The following IRAK3 variants were observed in gnomAD, a reference collection of about 807,000 sequenced individuals.
The protein encoded by IRAK3 is interleukin 1 receptor associated kinase 3, also known as interleukin-1 receptor-associated kinase 3.
Under a neutral mutation model 56.6 loss-of-function variants are expected in IRAK3, and 57 were observed. The observed-to-expected ratio is 1.01, with a 90% CI of 0.81 to 1.26. IRAK3 has a LOEUF of 1.26. Among genes scored for constraint, IRAK3 ranks in the 50% most tolerant of loss-of-function variants. IRAK3 has a pLI of 0.00. For synonymous variants in IRAK3, 258 were observed against 255.7 expected, an observed-to-expected ratio of 1.01 and a Z score of -0.09; for missense variants, 703 against 719.0, an observed-to-expected ratio of 0.98 and a Z score of 0.25.
rs1241746297 is a variant in IRAK3 at position 66,251,818 on chromosome 12, GAC to G, written c.*3651_*3652del. ...CATTAGCTACTAAGGTACAAAGTAA[GAC>G]ACAGTTTAATAAGGAAGACAGGGCA... On this transcript the variant is annotated 3_prime_UTR_variant, in exon 12 of 12. Coordinates refer to ENST00000261233, the MANE Select transcript of IRAK3 (RefSeq NM_007199.3). 2 of 152,188 alleles carry G rather than the reference GAC, an allele frequency of 1.3e-5. No homozygotes were observed. Among genetic ancestry groups the G allele is most frequent in the African/African-American group, 4.8e-5 (2 of 41,454 alleles). 9.4% of individuals were successfully genotyped at this position (152,188 alleles called of 1,614,324 possible).
At chr12:66,235,460 C>G (rs2052896840) in intron 8 of IRAK3, among the ~76,000 whole-genome samples, 1 of 151,538 alleles carries the variant, frequency 6.6e-6, no homozygotes, top group Non-Finnish European at 1.5e-5. Flanking sequence ...TCCGCGCTGA[C>G]TTCCCCTCCG....
chr12:66,217,850 A>C (rs562804624), intron 6 of IRAK3, among the ~76,000 whole-genome samples: 55 of 152,280 alleles, frequency 3.6e-4, no homozygotes, highest in African/African-American at 1.3e-3. Context: ...GTCGGGAAGC[A>C]GGGAGGAAGC....
At chr12:66,196,856 A>T in intron 1 of IRAK3, 1 of 1,471,736 alleles carries the variant, frequency 6.8e-7, no homozygotes, top group Non-Finnish European at 8.9e-7. Context: ...AAAGAAAGAG[A>T]CATCTTTCCT....
chr12:66,229,258 C>T (rs968214127), intron 8 of IRAK3, among the ~76,000 whole-genome samples: 1 of 152,174 alleles, frequency 6.6e-6, no homozygotes, highest in Non-Finnish European at 1.5e-5. Context: ...AAATTAGAAG[C>T]AACATCTCCC....
chr12:66,232,706 G>A (rs1298284036), intron 8 of IRAK3, among the ~76,000 whole-genome samples: 1 of 152,166 alleles, frequency 6.6e-6, no homozygotes, highest in Non-Finnish European at 1.5e-5. Flanking sequence ...GGACTGAGCT[G>A]TCCAAATCCC....
At chr12:66,202,010 TCA>T (rs1378590996) in intron 1 of IRAK3, among the ~76,000 whole-genome samples, 5 of 152,218 alleles carry the variant, frequency 3.3e-5, no homozygotes, top group Non-Finnish European at 5.9e-5. Context: ...AATGTGTGTC[TCA>T]CAGGGGTATG....
intron 1 of IRAK3, among the ~76,000 whole-genome samples, chr12:66,202,927 T>C (rs1029156002): frequency 6.6e-6 from 1 of 151,822 alleles, no homozygotes; most frequent in Non-Finnish European, 1.5e-5. Context: ...TTTTAACCTG[T>C]ATGGTAAAAT....
intron 8 of IRAK3, among the ~76,000 whole-genome samples, chr12:66,239,997 C>T (rs1004416544): frequency 1.3e-5 from 2 of 152,130 alleles, no homozygotes; most frequent in African/African-American, 4.8e-5. Context: ...CCTCAGATTT[C>T]CAGGGACATC....
At position 66,251,666 on chromosome 12, in the gene IRAK3, T is replaced by C. The variant is rs1001419836; in HGVS notation, c.*3495T>C. 3 of 152,220 alleles carry C rather than the reference T, an allele frequency of 2.0e-5. No homozygotes were observed. The highest frequency in any genetic ancestry group is 4.4e-5 in the Non-Finnish European group (3 of 68,042). The allele number at this position is 152,220 out of a possible 1,614,324, so 9.4% of individuals were successfully genotyped here. A position where few individuals can be genotyped will look rare whatever the true frequency, so the allele number is the denominator to read the frequency against. On this transcript the variant is annotated 3_prime_UTR_variant, in exon 12 of 12. Transcript: ENST00000261233. ...TGATCTGTGACTCACTGCATAATAT[T>C]GTAGTTTTATAGGGTGGCACATCAC...
chr12:66,230,424 C>T (rs1289499893), intron 8 of IRAK3, among the ~76,000 whole-genome samples: 1 of 152,116 alleles, frequency 6.6e-6, no homozygotes, highest in Non-Finnish European at 1.5e-5. Context: ...CAGTCCATGC[C>T]ATGGGGAAGC....
chr12:66,252,090 A>G lies in IRAK3; in HGVS notation c.*3919A>G, dbSNP rs2053105551. 1 of 152,230 alleles carries G rather than the reference A, an allele frequency of 6.6e-6. No individual in the cohort carries two copies. The highest frequency in any genetic ancestry group is 2.4e-5 in the African/African-American group (1 of 41,458). 9.4% of individuals were successfully genotyped at this position (152,230 alleles called of 1,614,324 possible). A position where few individuals can be genotyped will look rare whatever the true frequency, so the allele number is the denominator to read the frequency against. ...GGATCCACAGCAGCTGTGCACAACC[A>G]TCCCTAATGCCAGAAAAATGGGGTA... On this transcript the variant is annotated 3_prime_UTR_variant, in exon 12 of 12. Transcript: ENST00000261233.
In IRAK3 at chr12:66,231,480, G is replaced by A. The variant is rs150952897; in HGVS notation, c.887+3110G>A. Among the ~76,000 whole-genome samples the A allele has an allele frequency of 2.6e-3, 398 of 152,344 alleles. 4 individuals carry two copies. Among genetic ancestry groups the A allele is most frequent in the African/African-American group, 9.2e-3 (381 of 41,582 alleles). ...AGGGGGAGAGACAGTGATGATAATA[G>A]TCTTGTCCTTGAAGGTTCAACCTGG... On this transcript the variant is annotated intron_variant, in intron 8 of 11. Coordinates refer to ENST00000261233, the MANE Select transcript of IRAK3 (RefSeq NM_007199.3).
intron 8 of IRAK3, among the ~76,000 whole-genome samples, chr12:66,243,167 A>T (rs1336614810): frequency 6.6e-6 from 1 of 152,126 alleles, no homozygotes; most frequent in Non-Finnish European, 1.5e-5. Context: ...TTAGCTTCAT[A>T]CATTGAACTG....
intron 8 of IRAK3, among the ~76,000 whole-genome samples, chr12:66,231,260 C>A (rs922584916): frequency 6.6e-6 from 1 of 152,118 alleles, no homozygotes; most frequent in Admixed American, 6.5e-5. Context: ...ATCCATAATC[C>A]CAGCACTTTG....
Position 66,203,807 on chromosome 12 carries a change from C to T in IRAK3, c.230C>T (p.Ala77Val). Reference sequence around the variant, plus strand: ...ACAAGAGAATTACTTTGGTCCTGGGCACAGAAAAACAAGACCATCGGTGAC... The same window carrying T: ...ACAAGAGAATTACTTTGGTCCTGGGTACAGAAAAACAAGACCATCGGTGAC... Reference protein sequence around the residue: ...SGTRELLWSWAQKNKTIGDLL... With the variant: ...SGTRELLWSWVQKNKTIGDLL... Residue 77 changes from alanine (A) to valine (V), a missense_variant, in exon 2 of 12, where the codon GCA (alanine) becomes GTA (valine). By Grantham distance (64) the Ala-to-Val change is moderately conservative (BLOSUM62 0). Transcript: ENST00000261233. 2 of 1,613,810 alleles carry T rather than the reference C, an allele frequency of 1.2e-6. No homozygotes were observed. Among genetic ancestry groups the T allele is most frequent in the Non-Finnish European group, 1.7e-6 (2 of 1,179,758 alleles).
intron 6 of IRAK3, among the ~76,000 whole-genome samples, chr12:66,225,405 G>A (rs1314781503): frequency 6.6e-6 from 1 of 151,542 alleles, no homozygotes; most frequent in Non-Finnish European, 1.5e-5. Flanking sequence ...ACACACACAC[G>A]CTTCCTTCCT....
chr12:66,248,251 C>A lies in IRAK3; in HGVS notation c.*80C>A. 1.0e-6 allele frequency: 1 copy of A among 954,878 alleles called. No individual in the cohort carries two copies. Among genetic ancestry groups the A allele is most frequent in the South Asian group, 1.4e-5 (1 of 72,560 alleles). The allele number at this position is 954,878 out of a possible 1,614,324, so 59.2% of individuals were successfully genotyped here. A position where few individuals can be genotyped will look rare whatever the true frequency, so the allele number is the denominator to read the frequency against. On this transcript the variant is annotated 3_prime_UTR_variant, in exon 12 of 12. Coordinates refer to ENST00000261233, the MANE Select transcript of IRAK3 (RefSeq NM_007199.3). The stretch of plus-strand genomic sequence containing the variant: ...GTATGACCTTGGGAAGACATTGGCT[C>A]CATAAGCAATGCCAAGAGAATGATC...
chr12:66,238,643 G>T (rs766100911), intron 8 of IRAK3, among the ~76,000 whole-genome samples: 1 of 152,184 alleles, frequency 6.6e-6, no homozygotes, highest in Non-Finnish European at 1.5e-5. Context: ...GAAGCAAGAG[G>T]CATTGAAGAG....
chr12:66,225,136 C>CT (rs1252811151), intron 6 of IRAK3, among the ~76,000 whole-genome samples: 8 of 152,116 alleles, frequency 5.3e-5, no homozygotes, highest in African/African-American at 1.7e-4. Flanking sequence ...GGCCGTGGCT[C>CT]TGTCTATCTG....
Sources: allele counts gnomAD v4.1 joint callset (sites outside exome capture counted in the v4.1 genomes callset), GRCh38; gene constraint gnomAD v4.1.1; transcripts MANE v1.5; gene names NCBI Gene and HGNC (gene_info 2026-07-23, HGNC 2026-07-21).